The following CFAP54 variants were observed in gnomAD, a reference collection of about 807,000 sequenced individuals.
CFAP54 encodes the protein cilia and flagella associated protein 54.
In CFAP54, 290 loss-of-function variants were observed where a neutral mutation model predicts 370.4. The ratio of observed to expected loss-of-function variants is 0.78; its 90% confidence interval spans 0.71 to 0.86. The LOEUF is 0.86. Ranked by LOEUF, CFAP54 falls within the 40% of genes least tolerant of loss-of-function variation. The pLI is 0.00. For synonymous variants in CFAP54, 1,206 were observed against 1,236.5 expected, an observed-to-expected ratio of 0.98 and a Z score of 0.52; for missense variants, 3,399 against 3,528.7, an observed-to-expected ratio of 0.96 and a Z score of 0.93.
Position 96,532,638 on chromosome 12 carries a change from TGA to T in CFAP54, c.1358-1151_1358-1150del, listed in dbSNP as rs1455703675. ...CCCATTATACCGTGCCCTTTTTTTTTGAGACAGGATCTCACTCTGTCACCCAG... is the reference window on the plus strand; with the variant it reads ...CCCATTATACCGTGCCCTTTTTTTTTGACAGGATCTCACTCTGTCACCCAG... On this transcript the variant is annotated intron_variant, in intron 9 of 67. Transcript: ENST00000524981. Among the ~76,000 whole-genome samples the T allele has an allele frequency of 2.0e-5, 3 of 152,250 alleles. No homozygotes were observed. The East Asian group carries it at 5.8e-4, about 29-fold the overall frequency.
Position 96,815,668 on chromosome 12 carries a change from T to C in CFAP54, c.8958-2107T>C, listed in dbSNP as rs576206828. 1.1e-4 allele frequency among the ~76,000 whole-genome samples: 16 copies of C among 152,318 alleles called. No homozygotes were observed. In the South Asian group the frequency reaches 3.3e-3, roughly 32 times the overall value. On this transcript the variant is annotated intron_variant, in intron 64 of 67. Coordinates refer to ENST00000524981, the MANE Select transcript of CFAP54 (RefSeq NM_001306084.2). ...GTGTCCTGAATGGTATTGCCTAGGTTTTCTTTTGGGGTTTTTATGGTTTTA... is the reference window on the plus strand; with the variant it reads ...GTGTCCTGAATGGTATTGCCTAGGTCTTCTTTTGGGGTTTTTATGGTTTTA...
At chr12:96,627,107 A>T (rs1956556957) in intron 30 of CFAP54, among the ~76,000 whole-genome samples, 168 bp downstream of exon 30, 2 of 152,234 alleles carry the variant, frequency 1.3e-5, no homozygotes, top group African/African-American at 4.8e-5. Context: ...ATAACTAAAA[A>T]TAAAAATATA....
At position 96,644,241 on chromosome 12, in the gene CFAP54, A is replaced by G. The variant is rs751663920; in HGVS notation, c.4380A>G (p.Leu1460=). ...QRYLMDYLNP[L]ILSYVKRKRF... ...ACCTGATGGATTACTTGAATCCTCT[A>G]ATATTAAGTTATGTTAAAAGAAAGA... is the stretch of plus-strand genomic sequence containing the variant. Residue 1460 remains leucine, a synonymous_variant, in exon 33 of 68, where the codon CTA becomes CTG. Coordinates refer to ENST00000524981, the MANE Select transcript of CFAP54 (RefSeq NM_001306084.2). The G allele has an allele frequency of 9.1e-6, 14 of 1,535,800 alleles. No homozygotes were observed. Among genetic ancestry groups the G allele is most frequent in the South Asian group, 5.9e-5 (5 of 84,054 alleles).
At chr12:96,849,671 T>C (rs1056285525) in intron 66 of CFAP54, among the ~76,000 whole-genome samples, 1 of 152,184 alleles carries the variant, frequency 6.6e-6, no homozygotes, top group Admixed American at 6.5e-5. Context: ...CAAATAACCT[T>C]TAACTCTGTA....
chr12:96,731,108 C>G (rs1957914892), intron 50 of CFAP54, among the ~76,000 whole-genome samples: 1 of 152,166 alleles, frequency 6.6e-6, no homozygotes. Context: ...GCAGAAGCAA[C>G]AATGATAAGA....
At chr12:96,832,552 T>TTGTTTAG (rs1959174518) in intron 66 of CFAP54, among the ~76,000 whole-genome samples, 1 of 152,074 alleles carries the variant, frequency 6.6e-6, no homozygotes, top group South Asian at 2.1e-4. Context: ...GTAAAAATAA[T>TTGTTTAG]TGTTTAGGAA....
chr12:96,546,460 A>C (rs751148295), intron 14 of CFAP54, among the ~76,000 whole-genome samples: 7 of 152,132 alleles, frequency 4.6e-5, no homozygotes, highest in Non-Finnish European at 1.0e-4. Context: ...TTGTAGATTT[A>C]AAATATATAG....
At position 96,693,756 on chromosome 12, in the gene CFAP54, T is replaced by C; in HGVS notation, c.6299T>C (p.Val2100Ala). 1.9e-6 allele frequency: 3 copies of C among 1,602,292 alleles called. No individual in the cohort carries two copies. The highest frequency in any genetic ancestry group is 2.6e-6 in the Non-Finnish European group (3 of 1,170,454). Residue 2100 changes from valine (V) to alanine (A), a missense_variant, in exon 45 of 68, where the codon GTT becomes GCT. By Grantham distance (64) the Val-to-Ala change is moderately conservative (BLOSUM62 0). Around this residue, in one of 3 missense-constraint regions of CFAP54, gnomAD observed 2,796 missense variants for 2,869.7 expected, o/e 0.97. Transcript: ENST00000524981. Reference protein sequence around the residue: ...LPLLALYQYFVSGICQDITRN... With the variant: ...LPLLALYQYFASGICQDITRN... ...CTCCTTGCATTGTATCAATATTTTGTTTCTGGAATTTGTCAAGACATAACA... is the reference window on the plus strand; with the variant it reads ...CTCCTTGCATTGTATCAATATTTTGCTTCTGGAATTTGTCAAGACATAACA...
intron 39 of CFAP54, among the ~76,000 whole-genome samples, chr12:96,664,765 C>A (rs12313691): frequency 8.2e-5 from 6 of 73,612 alleles, no homozygotes; most frequent in African/African-American, 1.2e-4. Flanking sequence ...CTATATATAT[C>A]TATATCTATA....
chr12:96,716,247 C>T (rs1008872232), intron 48 of CFAP54, among the ~76,000 whole-genome samples: 13 of 152,160 alleles, frequency 8.5e-5, no homozygotes, highest in African/African-American at 2.2e-4. Flanking sequence ...TCCATAAATG[C>T]GGATAAGAGA....
intron 46 of CFAP54, 90 bp from the exon 47 acceptor site, chr12:96,704,649 ATAAT>A (rs1957529340): frequency 6.9e-6 from 3 of 434,500 alleles, no homozygotes; most frequent in South Asian, 1.0e-4. Flanking sequence ...AATAAAAATG[ATAAT>A]TAAAATAATT....
intron 8 of CFAP54, among the ~76,000 whole-genome samples, chr12:96,526,017 A>G (rs1370936719): frequency 2.0e-5 from 3 of 152,172 alleles, no homozygotes; most frequent in Non-Finnish European, 1.5e-5. Flanking sequence ...CAGTTGATCT[A>G]TGGATTGAAA....
At chr12:96,810,204 T>G (rs1958917552) in intron 63 of CFAP54, among the ~76,000 whole-genome samples, 1 of 152,062 alleles carries the variant, frequency 6.6e-6, no homozygotes, top group African/African-American at 2.4e-5. Flanking sequence ...CAGTCATGCT[T>G]GTTGTTGGCA....
At position 96,521,393 on chromosome 12, in the gene CFAP54, G is replaced by A. The variant is rs537633208; in HGVS notation, c.943-464G>A. 1.1e-4 allele frequency among the ~76,000 whole-genome samples: 16 copies of A among 152,314 alleles called. No homozygotes were observed. In the South Asian group the frequency reaches 3.3e-3, roughly 32 times the overall value. The stretch of plus-strand genomic sequence containing the variant: ...TGCTGCGTATTGGAGACACAAAAAT[G>A]AGTAAGATCCTTTCAGGAAGTCACA... On this transcript the variant is annotated intron_variant, in intron 6 of 67. Coordinates refer to ENST00000524981, the MANE Select transcript of CFAP54 (RefSeq NM_001306084.2).
intron 30 of CFAP54, among the ~76,000 whole-genome samples, chr12:96,627,426 A>G (rs1956559623): frequency 6.6e-6 from 1 of 152,238 alleles, no homozygotes; most frequent in Non-Finnish European, 1.5e-5. Flanking sequence ...GCTCCCAAAT[A>G]AAATGATAGT....
intron 40 of CFAP54, 80 bp downstream of exon 40, chr12:96,679,832 A>C: frequency 7.2e-7 from 1 of 1,393,818 alleles, no homozygotes; most frequent in Non-Finnish European, 9.9e-7. Context: ...CTGCCCTCTC[A>C]TTCTTCCCTC....
chr12:96,628,026 G>A (rs554110843), intron 30 of CFAP54, among the ~76,000 whole-genome samples: 18 of 152,154 alleles, frequency 1.2e-4, no homozygotes, highest in African/African-American at 2.4e-4. Context: ...CGCCTACAGC[G>A]TTCAGTATAG....
intron 39 of CFAP54, among the ~76,000 whole-genome samples, chr12:96,665,583 T>A (rs946803392): frequency 6.6e-6 from 1 of 152,154 alleles, no homozygotes. Flanking sequence ...GGGAATTTTT[T>A]TCCTATTGCT....
At chr12:96,664,777 C>CTATATCTATATCTATCTATATA (rs1565934488) in intron 39 of CFAP54, among the ~76,000 whole-genome samples, 2 of 14,990 alleles carry the variant, frequency 1.3e-4, no homozygotes, top group South Asian at 2.0e-3. Flanking sequence ...ATATCTATAT[C>CTATATCTATATCTATCTATATA]TATATATATA....
Sources: gnomAD v4.1 joint callset for allele counts (sites outside exome capture counted in the v4.1 genomes callset) on GRCh38, gnomAD v4.1.1 for gene constraint, gnomAD v4.1.1 regional missense constraint, MANE v1.5 for transcripts, NCBI Gene and HGNC (gene_info 2026-07-23, HGNC 2026-07-21) for gene names.